ENPP7: variants seen among roughly 807,000 people sequenced by gnomAD.
ENPP7 encodes the protein ectonucleotide pyrophosphatase/phosphodiesterase family member 7.
In ENPP7, 39 loss-of-function variants were observed where a neutral mutation model predicts 33.6. That is an observed-to-expected ratio of 1.16 (90% CI 0.90 to 1.52). The LOEUF (loss-of-function observed/expected upper bound fraction) is 1.52, where lower values mean the gene tolerates loss of function less well. ENPP7 is among the 40% of genes most tolerant of loss of function. ENPP7 has a pLI of 0.00. For synonymous variants in ENPP7, 244 were observed against 274.3 expected (o/e 0.89, Z 1.09); for missense variants, 594 against 641.0 (o/e 0.93, Z 0.79).
chr17:79,733,458 G>A (rs782642834), intron 1 of ENPP7, 50 bp from the exon 2 acceptor site: 24 of 1,588,088 alleles, frequency 1.5e-5, no homozygotes, highest in South Asian at 1.5e-4. Flanking sequence ...TCCGGCCTTC[G>A]CTGTGACCCC....
At chr17:79,731,591 G>A (rs1259752655) in intron 1 of ENPP7, among the ~76,000 whole-genome samples, 199 bp downstream of exon 1, 6 of 152,174 alleles carry the variant, frequency 3.9e-5, no homozygotes, top group South Asian at 4.1e-4. Flanking sequence ...CCTTAAACCC[G>A]TGGCCACAGC....
chr17:79,736,904 G>C, intron 3 of ENPP7, 137 bp from the exon 4 acceptor site: 3 of 669,426 alleles, frequency 4.5e-6, no homozygotes, highest in Non-Finnish European at 7.8e-6. Context: ...AGAATTCGGG[G>C]AAACTGAGTC....
rs1165074028 is a variant in ENPP7, at chr17:79,742,190, A to G, written c.*413A>G. ...GGGCCCGCCCCGGCACAAAGCACCCATGGGAATAAAGGCCAAGCCGCGACA... is the reference window on the plus strand; with the variant it reads ...GGGCCCGCCCCGGCACAAAGCACCCGTGGGAATAAAGGCCAAGCCGCGACA... On this transcript the variant is annotated 3_prime_UTR_variant, in exon 6 of 6. Transcript: ENST00000328313. The G allele has an allele frequency of 2.6e-5, 4 of 152,732 alleles. No individual in the cohort carries two copies. The highest frequency in any genetic ancestry group is 5.8e-5 in the Non-Finnish European group (4 of 68,508). 9.5% of individuals were successfully genotyped at this position (152,732 alleles called of 1,614,324 possible).
Position 79,737,365 on chromosome 17 carries a change from G to A in ENPP7, c.1246+105G>A, listed in dbSNP as rs2094297932. The A allele has an allele frequency of 3.3e-6, 3 of 912,028 alleles. No homozygotes were observed. The highest frequency in any genetic ancestry group is 5.0e-6 in the Non-Finnish European group (3 of 594,382). 56.5% of individuals were successfully genotyped at this position (912,028 alleles called of 1,614,324 possible). ...CAGGACACCCTTGAGCCCCAAGTGG[G>A]GCCACCTCCCCTGGCTTTGGAGAAC... On this transcript the variant is annotated intron_variant, in intron 4 of 5. Coordinates refer to ENST00000328313, the MANE Select transcript of ENPP7 (RefSeq NM_178543.5). The surrounding 1 kb of genome is among the most constrained non-coding windows in gnomAD (Gnocchi z 5.5).
rs782459603 is a variant in ENPP7, at chr17:79,737,190, C to G, written c.1176C>G (p.Cys392Trp). ...FESVHVYELMCRLLGIVPEAN... is the reference protein window; with the variant it reads ...FESVHVYELMWRLLGIVPEAN... ...GCGTCCACGTGTACGAGCTCATGTG[C>G]CGGCTGCTGGGCATCGTGCCCGAGG... Residue 392 changes from cysteine (C) to tryptophan (W), a missense_variant, in exon 4 of 6, where the codon TGC becomes TGG. Physicochemically the swap from Cys to Trp is radical, Grantham distance 215. Around this residue, in one of 3 missense-constraint regions of ENPP7, gnomAD observed 504 missense variants for 512.8 expected, o/e 0.98. Transcript: ENST00000328313. This position sits in a 1 kb window ranked among gnomAD's most constrained non-coding sequence, Gnocchi z 5.5. 2 of 1,613,192 alleles carry G rather than the reference C, an allele frequency of 1.2e-6. No homozygotes were observed. The highest frequency in any genetic ancestry group is 1.7e-5 in the Admixed American group (1 of 60,004).
intron 5 of ENPP7, among the ~76,000 whole-genome samples, chr17:79,740,677 G>A (rs1207339331): frequency 2.0e-5 from 3 of 152,162 alleles, no homozygotes; most frequent in Non-Finnish European, 4.4e-5. Context: ...ATTCTCACAC[G>A]GCTTTTCCCC....
At chr17:79,732,143 T>TATATATATATATATATATATATATATAG (rs2094287516) in intron 1 of ENPP7, among the ~76,000 whole-genome samples, 1 of 24,238 alleles carries the variant, frequency 4.1e-5, no homozygotes. Flanking sequence ...TATATATATA[T>TATATATATATATATATATATATATATAG]ATATATACAC....
chr17:79,741,356 T>C (rs1598205781), intron 5 of ENPP7, among the ~76,000 whole-genome samples: 1 of 152,216 alleles, frequency 6.6e-6, no homozygotes. Context: ...AGGCACATTG[T>C]GGAACGGACG....
chr17:79,736,621 T>G (rs2094296476), intron 3 of ENPP7, among the ~76,000 whole-genome samples: 1 of 148,848 alleles, frequency 6.7e-6, no homozygotes, highest in African/African-American at 2.5e-5. Context: ...GCCCCAAGGG[T>G]GACATGGAAG....
intron 3 of ENPP7, among the ~76,000 whole-genome samples, chr17:79,736,538 T>TGC (rs1490134098): frequency 2.3e-5 from 1 of 43,384 alleles, no homozygotes; most frequent in Non-Finnish European, 3.7e-5. Context: ...GTGATAGGCG[T>TGC]GTGTGTGTGT....
In ENPP7 at chr17:79,742,079, C is replaced by T. The variant is rs928401924; in HGVS notation, c.*302C>T. 64 of 407,818 alleles carry T rather than the reference C, an allele frequency of 1.6e-4. No homozygotes were observed. The highest frequency in any genetic ancestry group is 1.3e-3 in the African/African-American group (61 of 45,964). The allele number at this position is 407,818 out of a possible 1,614,324, so 25.3% of individuals were successfully genotyped here. ...CCTCCTGCAAAACCCGCTCCCGAAG[C>T]GGCGCTGCCGTCTGCAGCCACGCGG... On this transcript the variant is annotated 3_prime_UTR_variant, in exon 6 of 6. Transcript: ENST00000328313.
intron 2 of ENPP7, 62 bp from the exon 3 acceptor site, chr17:79,734,981 A>G: frequency 6.4e-7 from 1 of 1,553,366 alleles, no homozygotes; most frequent in Non-Finnish European, 8.8e-7. Context: ...ATGTGTTCAC[A>G]GGCATGAGAC....
At chr17:79,731,446 T>A in intron 1 of ENPP7, 54 bp downstream of exon 1, 1 of 1,565,808 alleles carries the variant, frequency 6.4e-7, no homozygotes, top group African/African-American at 1.3e-5. Context: ...AGAAACCAGA[T>A]GGCACAGAGC....
chr17:79,731,144 G>A lies in ENPP7; in HGVS notation c.5G>A (p.Arg2Lys), dbSNP rs782580369. M[R>K]GPAVLLTVAL... The stretch of plus-strand genomic sequence containing the variant: ...TGTCCATCTGGAAGGCCCAGCATGA[G>A]AGGCCCGGCCGTCCTCCTCACTGTG... Residue 2 changes from arginine to lysine, a missense_variant, in exon 1 of 6, where the codon AGA becomes AAA. By Grantham distance (26) the Arg-to-Lys change is conservative. Coordinates refer to ENST00000328313, the MANE Select transcript of ENPP7 (RefSeq NM_178543.5). 3 of 1,607,548 alleles carry A rather than the reference G, an allele frequency of 1.9e-6. No homozygotes were observed. Among genetic ancestry groups the A allele is most frequent in the Non-Finnish European group, 2.5e-6 (3 of 1,178,686 alleles).
rs2094284445 is a variant in ENPP7, at chr17:79,731,170, G to C, written c.31G>C (p.Ala11Pro). 3.7e-6 allele frequency: 6 copies of C among 1,610,320 alleles called. No homozygotes were observed. The African/African-American group carries it at 6.7e-5, about 18-fold the overall frequency. MRGPAVLLTVALATLLAPGAG... is the reference protein window; with the variant it reads MRGPAVLLTVPLATLLAPGAG... ...AGGCCCGGCCGTCCTCCTCACTGTG[G>C]CTCTGGCCACGCTCCTGGCTCCCGG... The change falls in exon 1 of 6, where the codon GCT becomes CCT. Residue 11 changes from alanine (A) to proline (P), a missense_variant. By Grantham distance (27) the Ala-to-Pro change is conservative (BLOSUM62 -1). Transcript: ENST00000328313.
At chr17:79,733,702 A>C in intron 2 of ENPP7, 49 bp downstream of exon 2, 1 of 1,540,502 alleles carries the variant, frequency 6.5e-7, no homozygotes, top group Non-Finnish European at 8.8e-7. Flanking sequence ...GGGGGCACCT[A>C]GGCCCAGGTG....
chr17:79,733,469 G>A (rs200367516), intron 1 of ENPP7, 39 bp from the exon 2 acceptor site: 34 of 1,600,924 alleles, frequency 2.1e-5, no homozygotes, highest in African/African-American at 1.5e-4. Flanking sequence ...CTGTGACCCC[G>A]GTCCATCCCG....
chr17:79,740,236 G>A (rs777196334), intron 5 of ENPP7, among the ~76,000 whole-genome samples: 1 of 152,140 alleles, frequency 6.6e-6, no homozygotes, highest in Non-Finnish European at 1.5e-5. Flanking sequence ...CGGGTTTAGG[G>A]TTTAGAGAAG....
At chr17:79,736,901 G>C (rs55840948) in intron 3 of ENPP7, 140 bp from the exon 4 acceptor site, 1 of 659,368 alleles carries the variant, frequency 1.5e-6, no homozygotes, top group Non-Finnish European at 2.7e-6. Context: ...CTCAGAATTC[G>C]GGGAAACTGA....
Sources: allele counts gnomAD v4.1 joint callset (sites outside exome capture counted in the v4.1 genomes callset), GRCh38; gene constraint gnomAD v4.1.1; regional missense constraint gnomAD v4.1.1; non-coding constraint Gnocchi (gnomAD v3.1); transcripts MANE v1.5; gene names NCBI Gene and HGNC (gene_info 2026-07-23, HGNC 2026-07-21).